ACADSB: variants seen among roughly 807,000 people sequenced by gnomAD.
The protein encoded by ACADSB is acyl-CoA dehydrogenase short/branched chain, also known as short/branched chain specific acyl-CoA dehydrogenase, mitochondrial.
A neutral mutation model predicts 54.1 loss-of-function variants in ACADSB; 40 were observed. The observed-to-expected ratio is 0.74, with a 90% confidence interval of 0.57 to 0.96. The LOEUF is 0.96. Ranked by LOEUF, ACADSB falls within the 40% of genes least tolerant of loss-of-function variation. The pLI, the probability that ACADSB is intolerant of heterozygous loss-of-function variation, is 0.00. For synonymous variants in ACADSB, 182 were observed against 182.8 expected (o/e 1.00, Z 0.03); for missense variants, 530 against 510.4 (o/e 1.04, Z -0.37).
chr10:123,049,740 C>A (rs1850603124), intron 8 of ACADSB, among the ~76,000 whole-genome samples: 2 of 152,200 alleles, frequency 1.3e-5, no homozygotes, highest in Non-Finnish European at 2.9e-5. Flanking sequence ...TGTATTCCTA[C>A]CTCACACCAT....
chr10:123,038,205 C>A (rs528232391), intron 3 of ACADSB, among the ~76,000 whole-genome samples: 1 of 152,260 alleles, frequency 6.6e-6, no homozygotes, highest in African/African-American at 2.4e-5. Flanking sequence ...GGGATAGAGA[C>A]AAGGGATGCC....
At chr10:123,027,536 A>G (rs113150998) in intron 1 of ACADSB, 10,516 of 455,272 alleles carry the variant, frequency 0.023, 159 homozygotes, top group Middle Eastern at 0.039. Context: ...GCTGCTATGT[A>G]AGAAGTGCCT....
chr10:123,013,422 G>A (rs1850065928), intron 1 of ACADSB, among the ~76,000 whole-genome samples: 1 of 152,260 alleles, frequency 6.6e-6, no homozygotes, highest in Non-Finnish European at 1.5e-5. Context: ...ACTAGACTCA[G>A]GAGCCCAGCT....
chr10:123,026,888 G>A (rs1850261632), intron 1 of ACADSB, among the ~76,000 whole-genome samples: 1 of 152,114 alleles, frequency 6.6e-6, no homozygotes, highest in South Asian at 2.1e-4. Context: ...GAAACAGGTT[G>A]CCTATGGGAG....
At chr10:123,046,218 TC>T (rs1157870670) in intron 7 of ACADSB, among the ~76,000 whole-genome samples, 2 of 152,200 alleles carry the variant, frequency 1.3e-5, no homozygotes, top group Admixed American at 1.3e-4. Flanking sequence ...ATTATTCTGT[TC>T]TCTAGAGAGT....
Position 123,034,244 on chromosome 10 carries a change from A to G in ACADSB, c.43-112A>G, listed in dbSNP as rs151290306. The G allele has an allele frequency of 4.8e-3, 5,309 of 1,115,384 alleles. 36 individuals carry two copies. Among genetic ancestry groups the G allele is most frequent in the Non-Finnish European group, 5.9e-3 (4,441 of 753,900 alleles). 69.1% of individuals were successfully genotyped at this position (1,115,384 alleles called of 1,614,324 possible). ...AAAAGACTGAATTTAAAAATGCGCT[A>G]GGTTAAGTTTCCTTATTTTGGTGAC... is the stretch of plus-strand genomic sequence containing the variant. On this transcript the variant is annotated intron_variant, in intron 1 of 10. Coordinates refer to ENST00000358776, the MANE Select transcript of ACADSB (RefSeq NM_001609.4).
chr10:123,047,637 C>G (rs191045117), intron 8 of ACADSB, among the ~76,000 whole-genome samples: 38 of 152,222 alleles, frequency 2.5e-4, no homozygotes, highest in Admixed American at 4.6e-4. Flanking sequence ...AGCTTTAGGC[C>G]TTAGGCAAGT....
At position 123,055,210 on chromosome 10, in the gene ACADSB, A is replaced by T. The variant is rs182952282; in HGVS notation, c.*1445A>T. 2.2e-4 allele frequency: 39 copies of T among 177,452 alleles called. No homozygotes were observed. In the East Asian group the frequency reaches 6.3e-3, roughly 28 times the overall value. 11.0% of individuals were successfully genotyped at this position (177,452 alleles called of 1,614,324 possible). On this transcript the variant is annotated 3_prime_UTR_variant, in exon 11 of 11. Transcript: ENST00000358776. The stretch of plus-strand genomic sequence containing the variant: ...GAAAAAGAGGTTTAATTGGACTTAC[A>T]GTTCCACATGACTGGGGAGGCCTCA...
Position 123,052,876 on chromosome 10 carries a change from A to C in ACADSB, c.1129-185A>C. 1.6e-6 allele frequency: 1 copy of C among 643,012 alleles called. No individual in the cohort carries two copies. Among genetic ancestry groups the C allele is most frequent in the African/African-American group, 1.8e-5 (1 of 55,650 alleles). The allele number at this position is 643,012 out of a possible 1,614,324, so 39.8% of individuals were successfully genotyped here. ...TAAGAAAATGGGGATTCTGTGAATT[A>C]ATAGGATGTTTTACAGAAATGGTAT... On this transcript the variant is annotated intron_variant, in intron 9 of 10. Transcript: ENST00000358776. The surrounding 1 kb of genome is among the most constrained non-coding windows in gnomAD (Gnocchi z 4.2).
chr10:123,033,910 AG>A (rs1275124163), intron 1 of ACADSB, among the ~76,000 whole-genome samples: 2 of 152,198 alleles, frequency 1.3e-5, no homozygotes, highest in Admixed American at 1.3e-4. Context: ...AGCACAGGGC[AG>A]GTAGCTCTAT....
chr10:123,033,472 C>T (rs1406189533), intron 1 of ACADSB, among the ~76,000 whole-genome samples: 2 of 152,190 alleles, frequency 1.3e-5, no homozygotes, highest in Non-Finnish European at 2.9e-5. Flanking sequence ...GACACTACAA[C>T]AGGAAGGCAC....
chr10:123,014,221 T>C (rs7915923), intron 1 of ACADSB, among the ~76,000 whole-genome samples: 86,924 of 152,058 alleles, frequency 0.57, 26,352 homozygotes, highest in Non-Finnish European at 0.69. Flanking sequence ...GAATGACACA[T>C]CTCTTAACCT....
chr10:123,049,642 A>G (rs1459353889), intron 8 of ACADSB, among the ~76,000 whole-genome samples: 1 of 152,230 alleles, frequency 6.6e-6, no homozygotes, highest in African/African-American at 2.4e-5. Flanking sequence ...AAATAGACCC[A>G]TGCATGCAGC....
At chr10:123,014,191 C>A (rs1850082671) in intron 1 of ACADSB, among the ~76,000 whole-genome samples, 1 of 152,224 alleles carries the variant, frequency 6.6e-6, no homozygotes, top group Non-Finnish European at 1.5e-5. Flanking sequence ...CCTTCTCTCA[C>A]CCTCTTGCCT....
chr10:123,013,649 C>A (rs893162376), intron 1 of ACADSB, among the ~76,000 whole-genome samples: 1 of 152,216 alleles, frequency 6.6e-6, no homozygotes, highest in Non-Finnish European at 1.5e-5. Context: ...GGGCCTGCCC[C>A]GCGGAGAGGC....
rs774237425 is a variant in ACADSB, at chr10:123,051,061, C to G, written c.1003C>G (p.Gln335Glu). 17 of 1,612,148 alleles carry G rather than the reference C, an allele frequency of 1.1e-5. 1 individual carries two copies. The highest frequency in any genetic ancestry group is 9.9e-5 in the South Asian group (9 of 90,912). ...CTGACTGTTACAGGGCCTCCAACACCAAGTGGCTCACGTGGCCACCCAGCT... is the reference window on the plus strand; with the variant it reads ...CTGACTGTTACAGGGCCTCCAACACGAAGTGGCTCACGTGGCCACCCAGCT... Reference protein sequence around the residue: ...RLFDFQGLQHQVAHVATQLEA... With the variant: ...RLFDFQGLQHEVAHVATQLEA... Residue 335 changes from glutamine to glutamate, a missense_variant, in exon 9 of 11, where the codon CAA (glutamine) becomes GAA (glutamate). Gln to Glu is a conservative substitution (Grantham distance 29). Coordinates refer to ENST00000358776, the MANE Select transcript of ACADSB (RefSeq NM_001609.4).
At position 123,012,870 on chromosome 10, in the gene ACADSB, T is replaced by C. The variant is rs569428594; in HGVS notation, c.42+3799T>C. On this transcript the variant is annotated intron_variant, in intron 1 of 10. Coordinates refer to ENST00000358776, the MANE Select transcript of ACADSB (RefSeq NM_001609.4). ...GCCACTGCTGGCTCGGCAGCCTGAT[T>C]GGTCTGTTTTACAGACAGCTGATTG... Among the ~76,000 whole-genome samples, 174 of 152,332 alleles carry C rather than the reference T, an allele frequency of 1.1e-3. 2 individuals are homozygous for C. The highest frequency in any genetic ancestry group is 0.01 in the Middle Eastern group (3 of 294).
At chr10:123,012,591 G>A (rs1051952294) in intron 1 of ACADSB, among the ~76,000 whole-genome samples, 2 of 152,078 alleles carry the variant, frequency 1.3e-5, no homozygotes, top group African/African-American at 4.8e-5. Flanking sequence ...GGTTTGTGGT[G>A]TCACCGGCTC....
Position 123,053,169 on chromosome 10 carries a change from A to AT in ACADSB, c.1228+21dup, listed in dbSNP as rs11307362. 424 of 1,270,034 alleles carry AT rather than the reference A, an allele frequency of 3.3e-4. No individual in the cohort carries two copies. Among genetic ancestry groups the AT allele is most frequent in the Non-Finnish European group, 4.1e-4 (371 of 904,642 alleles). 78.7% of individuals were successfully genotyped at this position (1,270,034 alleles called of 1,614,324 possible). A position where few individuals can be genotyped will look rare whatever the true frequency, so the allele number is the denominator to read the frequency against. The stretch of plus-strand genomic sequence containing the variant: ...CCGAGATGCAAAGATTGGTAAATAG[A>AT]TTTTTTTTTTTTACATTTTATTTTG... On this transcript the variant is annotated intron_variant, in intron 10 of 10. Transcript: ENST00000358776.
Sources: gnomAD v4.1 joint callset for allele counts (sites outside exome capture counted in the v4.1 genomes callset) on GRCh38, gnomAD v4.1.1 for gene constraint, Gnocchi (gnomAD v3.1) non-coding constraint, MANE v1.5 for transcripts, NCBI Gene and HGNC (gene_info 2026-07-23, HGNC 2026-07-21) for gene names.